Variants in SH3PXD2A observed in about 807,000 individuals in gnomAD.
SH3PXD2A encodes the protein SH3 and PX domains 2A.
A neutral mutation model predicts 115.2 loss-of-function variants in SH3PXD2A; 32 were observed. That is an observed-to-expected ratio of 0.28 (90% confidence interval 0.21 to 0.37). The LOEUF (loss-of-function observed/expected upper bound fraction) is 0.37. Ranked by LOEUF, SH3PXD2A falls within the 10% of genes least tolerant of loss-of-function variation. SH3PXD2A has a pLI of 1.00. For missense variants in SH3PXD2A, 1,328 were observed against 1,498.7 expected (o/e 0.89, Z 1.88); for synonymous variants, 610 against 629.1 (o/e 0.97, Z 0.45).
intron 1 of SH3PXD2A, among the ~76,000 whole-genome samples, chr10:103,823,047 G>A (rs577263386): frequency 1.3e-5 from 2 of 152,286 alleles, no homozygotes; most frequent in East Asian, 1.9e-4. Flanking sequence ...ATATCAAAAT[G>A]AGAAATGCAA....
At chr10:103,853,253 A>G (rs1842912592) in intron 1 of SH3PXD2A, among the ~76,000 whole-genome samples, 1 of 152,224 alleles carries the variant, frequency 6.6e-6, no homozygotes, top group Admixed American at 6.5e-5. Flanking sequence ...GTTATTATCA[A>G]TCTTAAAACC....
At chr10:103,719,166 A>C (rs1207978432) in intron 5 of SH3PXD2A, among the ~76,000 whole-genome samples, 1 of 152,234 alleles carries the variant, frequency 6.6e-6, no homozygotes, top group African/African-American at 2.4e-5. Flanking sequence ...CAGCCTGAAC[A>C]GACTGACACA....
chr10:103,813,114 A>G (rs2039288398), intron 1 of SH3PXD2A, among the ~76,000 whole-genome samples: 1 of 152,208 alleles, frequency 6.6e-6, no homozygotes. Flanking sequence ...TCTTGAGAAA[A>G]GAAAAAAAAG....
chr10:103,625,427 C>T (rs1050563167), intron 9 of SH3PXD2A, among the ~76,000 whole-genome samples: 1 of 152,250 alleles, frequency 6.6e-6, no homozygotes, highest in African/African-American at 2.4e-5. Flanking sequence ...GGACTAGGGT[C>T]CAAACCTGAT....
chr10:103,749,640 C>T (rs1170920223), intron 3 of SH3PXD2A: 1 of 152,212 alleles, frequency 6.6e-6, no homozygotes, highest in African/African-American at 2.4e-5. Flanking sequence ...CAAGATGGCC[C>T]CAGTGACTCT....
At chr10:103,702,935 C>T (rs1169481705) in intron 5 of SH3PXD2A, among the ~76,000 whole-genome samples, 2 of 152,064 alleles carry the variant, frequency 1.3e-5, no homozygotes, top group Admixed American at 6.5e-5. Context: ...CTCTGTGTCA[C>T]GTGTGTGTAT....
chr10:103,715,410 A>G (rs532449352), intron 5 of SH3PXD2A, among the ~76,000 whole-genome samples: 5 of 152,280 alleles, frequency 3.3e-5, no homozygotes, highest in South Asian at 2.1e-4. Flanking sequence ...TGATTAGCCT[A>G]CGCGGTCCCT....
chr10:103,639,848 C>T (rs768606877), intron 8 of SH3PXD2A, among the ~76,000 whole-genome samples: 3 of 151,888 alleles, frequency 2.0e-5, no homozygotes, highest in South Asian at 4.2e-4. Flanking sequence ...AAAGGCAAGA[C>T]GATGGAAGAT....
At chr10:103,712,904 T>C (rs1210299068) in intron 5 of SH3PXD2A, among the ~76,000 whole-genome samples, 1 of 152,234 alleles carries the variant, frequency 6.6e-6, no homozygotes. Context: ...GTCCAGCCTC[T>C]GACACTTCCT....
intron 3 of SH3PXD2A, among the ~76,000 whole-genome samples, chr10:103,747,920 G>A (rs2038526043): frequency 6.6e-6 from 1 of 152,134 alleles, no homozygotes. Flanking sequence ...AAAGTGCTGA[G>A]ATTACAGGTT....
chr10:103,799,037 T>C (rs2039121917), intron 2 of SH3PXD2A, among the ~76,000 whole-genome samples: 1 of 152,156 alleles, frequency 6.6e-6, no homozygotes, highest in South Asian at 2.1e-4. Flanking sequence ...GGCAGGCAAT[T>C]TGAACCTTCA....
intron 2 of SH3PXD2A, among the ~76,000 whole-genome samples, chr10:103,787,568 C>A (rs1378759413): frequency 6.6e-6 from 1 of 152,190 alleles, no homozygotes; most frequent in African/African-American, 2.4e-5. Context: ...CCAAGATGAG[C>A]AGTGAAGCCC....
At chr10:103,622,392 G>A in intron 10 of SH3PXD2A, 78 bp downstream of exon 10, 1 of 958,458 alleles carries the variant, frequency 1.0e-6, no homozygotes, top group East Asian at 2.6e-5. Context: ...GCAGAGAGCA[G>A]AGCCCGGAAA....
At position 103,801,360 on chromosome 10, in the gene SH3PXD2A, T is replaced by C. The variant is rs777874729; in HGVS notation, c.75A>G (p.Val25=). Reference sequence around the variant, plus strand: ...CAGACCAGGTCACATTGATTATGTATACCTGTGGGAAAAAGGTAAGAGCAG... The same window carrying C: ...CAGACCAGGTCACATTGATTATGTACACCTGTGGGAAAAAGGTAAGAGCAG... ...EKRRNPSKHY[V]YIINVTWSDS... The change falls in exon 2 of 15, where the codon GTA becomes GTG. Residue 25 remains valine, a splice_region_variant and synonymous_variant. Coordinates refer to ENST00000369774, the MANE Select transcript of SH3PXD2A (RefSeq NM_001394015.1). 2.9e-5 allele frequency: 46 copies of C among 1,601,194 alleles called. 1 individual carries two copies. The South Asian group carries it at 4.5e-4, about 16-fold the overall frequency.
intron 2 of SH3PXD2A, among the ~76,000 whole-genome samples, chr10:103,778,628 T>TGTGC (rs1364811337): frequency 6.6e-6 from 1 of 152,128 alleles, no homozygotes; most frequent in Admixed American, 6.5e-5. Flanking sequence ...GGTGAGCAGG[T>TGTGC]GTGCTGGCCT....
chr10:103,617,935 T>C (rs893979607), intron 10 of SH3PXD2A, among the ~76,000 whole-genome samples: 4 of 152,128 alleles, frequency 2.6e-5, no homozygotes, highest in Non-Finnish European at 4.4e-5. Context: ...GGAACCCAGG[T>C]CTCATGGAAG....
chr10:103,735,721 T>C lies in SH3PXD2A; in HGVS notation c.306+11A>G, dbSNP rs372080069. 2.8e-5 allele frequency: 40 copies of C among 1,452,786 alleles called. No homozygotes were observed. The highest frequency in any genetic ancestry group is 3.6e-5 in the Non-Finnish European group (38 of 1,045,282). 90.0% of individuals were successfully genotyped at this position (1,452,786 alleles called of 1,614,324 possible). ...CCCGAGCCCCTCCCCCAGCCCCAGA[T>C]ACACTCTCACCCGGCAGTATTCATC... On this transcript the variant is annotated intron_variant, in intron 4 of 14. Transcript: ENST00000369774.
At chr10:103,640,618 C>A (rs2036940840) in intron 8 of SH3PXD2A, among the ~76,000 whole-genome samples, 1 of 152,166 alleles carries the variant, frequency 6.6e-6, no homozygotes, top group African/African-American at 2.4e-5. Flanking sequence ...GGGAGCAACA[C>A]CCAAGGACAC....
rs533555708 is a variant in SH3PXD2A, at chr10:103,620,903, A to T, written c.802+1567T>A. On this transcript the variant is annotated intron_variant, in intron 10 of 14. Coordinates refer to ENST00000369774, the MANE Select transcript of SH3PXD2A (RefSeq NM_001394015.1). This position sits in a 1 kb window ranked among gnomAD's most constrained non-coding sequence, Gnocchi z 5.3. ...TGTGCCCTTGTGAGTGTTGCTGTGGAGGAATGGGTGGCGTATGTGTGTATG... is the reference window on the plus strand; with the variant it reads ...TGTGCCCTTGTGAGTGTTGCTGTGGTGGAATGGGTGGCGTATGTGTGTATG... Among the ~76,000 whole-genome samples the T allele has an allele frequency of 6.6e-6, 1 of 152,078 alleles. No homozygotes were observed. Among genetic ancestry groups the T allele is most frequent in the East Asian group, 1.9e-4 (1 of 5,184 alleles).
Sources: gnomAD v4.1 joint callset for allele counts (sites outside exome capture counted in the v4.1 genomes callset) on GRCh38, gnomAD v4.1.1 for gene constraint, Gnocchi (gnomAD v3.1) non-coding constraint, MANE v1.5 for transcripts, NCBI Gene and HGNC (gene_info 2026-07-23, HGNC 2026-07-21) for gene names.